Variants in RAB38 observed in about 807,000 individuals in gnomAD.
RAB38 encodes the protein RAB38, member RAS oncogene family.
RAB38 carries 15 observed loss-of-function variants against 18.4 expected under a neutral mutation model. The observed-to-expected ratio is 0.82, with a 90% confidence interval of 0.55 to 1.26. The LOEUF is 1.26. Ranked by LOEUF, RAB38 falls within the 50% of genes most tolerant of loss-of-function variation. RAB38 has a pLI of 0.00. For synonymous variants in RAB38, 101 were observed against 104.4 expected (o/e 0.97, Z 0.20); for missense variants, 294 against 267.4 (o/e 1.10, Z -0.69).
chr11:88,016,999 A>T, the RAB38 span, among the ~76,000 whole-genome samples: 1 of 152,144 alleles, frequency 6.6e-6, no homozygotes, highest in Non-Finnish European at 1.5e-5. Context: ...ATAGGGAAAG[A>T]TCAGACACTT....
chr11:87,831,714 T>C, the RAB38 span, among the ~76,000 whole-genome samples: 2 of 152,280 alleles, frequency 1.3e-5, no homozygotes, highest in Admixed American at 6.5e-5. Flanking sequence ...CTAGATTTAA[T>C]GTGAGTGATG....
At chr11:88,037,797 A>G in the RAB38 span, among the ~76,000 whole-genome samples, 1 of 152,156 alleles carries the variant, frequency 6.6e-6, no homozygotes, top group Non-Finnish European at 1.5e-5. Context: ...TCCATTGTAA[A>G]GATATAATAA....
At chr11:87,805,334 A>G in the RAB38 span, among the ~76,000 whole-genome samples, 2 of 152,122 alleles carry the variant, frequency 1.3e-5, no homozygotes, top group South Asian at 2.1e-4. Context: ...ATTCACAGGT[A>G]CACACACACA....
chr11:88,083,350 A>G, the RAB38 span, among the ~76,000 whole-genome samples: 1 of 151,894 alleles, frequency 6.6e-6, no homozygotes, highest in South Asian at 2.1e-4. Context: ...ACAGAAATTT[A>G]TATTTATAGA....
At chr11:88,170,277 T>G (rs1943294765) in intron 1 of RAB38, among the ~76,000 whole-genome samples, 1 of 152,204 alleles carries the variant, frequency 6.6e-6, no homozygotes, top group African/African-American at 2.4e-5. Flanking sequence ...AACAAGGCAA[T>G]AAACTGCCCA....
the RAB38 span, among the ~76,000 whole-genome samples, chr11:87,895,716 A>T: frequency 4.8e-3 from 735 of 151,764 alleles, 5 homozygotes; most frequent in African/African-American, 0.017. Flanking sequence ...TTATAATTCC[A>T]TGCCAATAAG....
chr11:87,818,686 C>T, the RAB38 span, among the ~76,000 whole-genome samples: 4 of 152,176 alleles, frequency 2.6e-5, no homozygotes, highest in East Asian at 5.8e-4. Context: ...GACAGACTTA[C>T]TAGTTTTTTT....
chr11:88,081,792 C>A, the RAB38 span, among the ~76,000 whole-genome samples: 6 of 151,860 alleles, frequency 4.0e-5, no homozygotes, highest in African/African-American at 1.2e-4. Flanking sequence ...GGTGGACATA[C>A]CTTTTGGAAC....
the RAB38 span, among the ~76,000 whole-genome samples, chr11:88,062,991 C>T: frequency 6.6e-6 from 1 of 152,132 alleles, no homozygotes; most frequent in Admixed American, 6.5e-5. Context: ...GTTGGAAATT[C>T]TCCAAAGTAA....
chr11:88,012,675 G>C, the RAB38 span, among the ~76,000 whole-genome samples: 14 of 152,008 alleles, frequency 9.2e-5, no homozygotes, highest in African/African-American at 3.1e-4. Context: ...CAACCAGGTA[G>C]GACAGCAATA....
At chr11:87,839,296 G>A in the RAB38 span, among the ~76,000 whole-genome samples, 1 of 152,106 alleles carries the variant, frequency 6.6e-6, no homozygotes, top group South Asian at 2.1e-4. Flanking sequence ...CTTTGAAGTT[G>A]AAAACATACA....
the RAB38 span, among the ~76,000 whole-genome samples, chr11:87,845,487 A>G: frequency 4.6e-5 from 7 of 152,150 alleles, no homozygotes; most frequent in African/African-American, 7.2e-5. Flanking sequence ...AGCAAAATGG[A>G]TATGATAGTG....
chr11:88,024,381 T>A, the RAB38 span, among the ~76,000 whole-genome samples: 1 of 152,128 alleles, frequency 6.6e-6, no homozygotes, highest in Non-Finnish European at 1.5e-5. Flanking sequence ...AAAGTCAGGC[T>A]ATAGCAAATG....
At chr11:87,921,565 A>G in the RAB38 span, among the ~76,000 whole-genome samples, 1 of 148,194 alleles carries the variant, frequency 6.7e-6, no homozygotes, top group African/African-American at 2.4e-5. Flanking sequence ...AATATTATAT[A>G]TAATATATAT....
the RAB38 span, among the ~76,000 whole-genome samples, chr11:87,970,945 G>C: frequency 1.3e-5 from 2 of 152,024 alleles, no homozygotes; most frequent in African/African-American, 4.8e-5. Context: ...CTGCGCAGCA[G>C]CTAAATGTCA....
chr11:88,172,357 T>A (rs1343930159), intron 1 of RAB38, among the ~76,000 whole-genome samples: 2 of 152,190 alleles, frequency 1.3e-5, no homozygotes, highest in Non-Finnish European at 2.9e-5. Flanking sequence ...TCTTTCAAGA[T>A]CAGACTGGCC....
intron 2 of RAB38, among the ~76,000 whole-genome samples, chr11:88,123,665 C>T (rs1053724013): frequency 6.6e-6 from 1 of 152,122 alleles, no homozygotes; most frequent in African/African-American, 2.4e-5. Flanking sequence ...TATTCTGTTG[C>T]TCCACAGGTG....
At chr11:87,903,903 T>C in the RAB38 span, among the ~76,000 whole-genome samples, 62 of 151,828 alleles carry the variant, frequency 4.1e-4, no homozygotes, top group African/African-American at 1.4e-3. Flanking sequence ...ATTCCTGATA[T>C]TGGTATTTCA....
chr11:88,172,609 G>T (rs1457976669), intron 1 of RAB38, among the ~76,000 whole-genome samples: 5 of 152,162 alleles, frequency 3.3e-5, no homozygotes, highest in Admixed American at 1.3e-4. Flanking sequence ...CACCAGAGTT[G>T]AACACTAAGG....
Sources: allele counts gnomAD v4.1 joint callset (sites outside exome capture counted in the v4.1 genomes callset), GRCh38; gene constraint gnomAD v4.1.1; transcripts MANE v1.5; gene names NCBI Gene and HGNC (gene_info 2026-07-23, HGNC 2026-07-21).